Variants in PVT1 observed in about 807,000 individuals in gnomAD.
The protein encoded by PVT1 is CXCR4/PVT1 fusion.
At chr8:127,900,241 C>G (rs1031122799) in intron 3 of PVT1, among the ~76,000 whole-genome samples, 22 of 152,014 alleles carry the variant, frequency 1.4e-4, no homozygotes, top group African/African-American at 5.1e-4. Flanking sequence ...TGGGGTTTCA[C>G]TGTGTTAGCC....
At chr8:128,087,747 CT>C (rs71568675) in intron 5 of PVT1, among the ~76,000 whole-genome samples, 1,508 of 76,542 alleles carry the variant, frequency 0.02, 13 homozygotes, top group African/African-American at 0.062. Context: ...TGATGTGCTA[CT>C]TTTTTTTTTT....
chr8:127,917,685 G>A (rs1816003807), intron 3 of PVT1, among the ~76,000 whole-genome samples: 1 of 152,264 alleles, frequency 6.6e-6, no homozygotes, highest in Non-Finnish European at 1.5e-5. Flanking sequence ...CTGTATGTGT[G>A]GGAGGTGCAC....
intron 4 of PVT1, among the ~76,000 whole-genome samples, chr8:128,026,862 C>T (rs1384603072): frequency 2.0e-5 from 3 of 152,174 alleles, no homozygotes; most frequent in East Asian, 1.9e-4. Context: ...CTCTGGGGAA[C>T]GTGACCGGCC....
At chr8:127,986,064 A>G (rs1423679337) in intron 3 of PVT1, among the ~76,000 whole-genome samples, 1 of 152,186 alleles carries the variant, frequency 6.6e-6, no homozygotes, top group Non-Finnish European at 1.5e-5. Context: ...TCTTTCCAAC[A>G]GAGACCTGCC....
intron 4 of PVT1, among the ~76,000 whole-genome samples, chr8:128,029,296 G>T (rs1263666553): frequency 6.8e-6 from 1 of 146,690 alleles, no homozygotes; most frequent in African/African-American, 2.5e-5. Context: ...TTAATTTTTT[G>T]ACTTTTTTTT....
intron 4 of PVT1, among the ~76,000 whole-genome samples, chr8:128,040,454 C>T (rs1412713338): frequency 6.6e-6 from 1 of 152,228 alleles, no homozygotes; most frequent in African/African-American, 2.4e-5. Flanking sequence ...TAAAATCTCT[C>T]TCTTTCTGTC....
At chr8:127,873,483 G>T (rs193243329) in intron 2 of PVT1, among the ~76,000 whole-genome samples, 2 of 152,306 alleles carry the variant, frequency 1.3e-5, no homozygotes, top group Admixed American at 1.3e-4. Flanking sequence ...TATTGAGCTA[G>T]TAGGTGGTAT....
chr8:127,899,875 G>C (rs1815736884), intron 3 of PVT1, among the ~76,000 whole-genome samples: 1 of 152,134 alleles, frequency 6.6e-6, no homozygotes, highest in African/African-American at 2.4e-5. Context: ...GTTTCAGGGG[G>C]ATCTCTGTAT....
chr8:127,851,319 G>A (rs1815105071), intron 2 of PVT1, among the ~76,000 whole-genome samples: 1 of 152,134 alleles, frequency 6.6e-6, no homozygotes, highest in East Asian at 1.9e-4. Flanking sequence ...GGTGCACTGT[G>A]TGTGCATGGT....
At chr8:128,034,439 C>T (rs1813437304) in intron 4 of PVT1, among the ~76,000 whole-genome samples, 1 of 152,208 alleles carries the variant, frequency 6.6e-6, no homozygotes, top group Non-Finnish European at 1.5e-5. Flanking sequence ...CATTACACTT[C>T]CAGGGCTTCG....
chr8:128,067,949 T>TTG (rs890764646), intron 4 of PVT1, among the ~76,000 whole-genome samples: 15 of 93,824 alleles, frequency 1.6e-4, no homozygotes, highest in African/African-American at 3.4e-4. Flanking sequence ...CTAACATACT[T>TTG]TGTGTTTTTT....
chr8:128,023,498 A>G (rs1817461259), intron 4 of PVT1, among the ~76,000 whole-genome samples: 1 of 152,224 alleles, frequency 6.6e-6, no homozygotes, highest in Non-Finnish European at 1.5e-5. Flanking sequence ...AATAACTATT[A>G]CTATTACAAT....
chr8:127,846,774 C>T (rs931279329), intron 2 of PVT1, among the ~76,000 whole-genome samples: 3 of 151,588 alleles, frequency 2.0e-5, no homozygotes, highest in South Asian at 2.1e-4. Flanking sequence ...CGGATTCAAG[C>T]GATTCTCCTG....
chr8:127,864,692 C>A (rs906251058), intron 2 of PVT1, among the ~76,000 whole-genome samples: 1 of 152,082 alleles, frequency 6.6e-6, no homozygotes, highest in South Asian at 2.1e-4. Context: ...GGACTACAGG[C>A]GCCCACCACC....
chr8:127,797,672 G>A (rs1814412917), intron 2 of PVT1, among the ~76,000 whole-genome samples: 1 of 152,190 alleles, frequency 6.6e-6, no homozygotes, highest in Non-Finnish European at 1.5e-5. Flanking sequence ...AATAGTGCAT[G>A]TATAACATGG....
At chr8:127,860,135 G>A (rs1298625558) in intron 2 of PVT1, among the ~76,000 whole-genome samples, 1 of 152,160 alleles carries the variant, frequency 6.6e-6, no homozygotes, top group Admixed American at 6.5e-5. Context: ...AGAACCATGG[G>A]GCTGCTCTGT....
chr8:127,841,918 G>T (rs1563619108), intron 2 of PVT1, among the ~76,000 whole-genome samples: 1 of 151,972 alleles, frequency 6.6e-6, no homozygotes, highest in South Asian at 2.1e-4. Flanking sequence ...TAGAGACGGG[G>T]TTTCACCGTG....
intron 4 of PVT1, among the ~76,000 whole-genome samples, chr8:128,033,035 G>A (rs980501776): frequency 6.6e-6 from 1 of 152,208 alleles, no homozygotes; most frequent in Non-Finnish European, 1.5e-5. Flanking sequence ...GGTGCAGGTA[G>A]GGTGAAGACC....
chr8:127,846,838 ATT>A (rs561950021), intron 2 of PVT1, among the ~76,000 whole-genome samples: 1 of 143,684 alleles, frequency 7.0e-6, no homozygotes, highest in African/African-American at 2.5e-5. Context: ...CACCCAGCAA[ATT>A]TTTTTTTTTT....
Sources: allele counts gnomAD v4.1 joint callset (sites outside exome capture counted in the v4.1 genomes callset), GRCh38; gene constraint gnomAD v4.1.1; transcripts MANE v1.5; gene names NCBI Gene and HGNC (gene_info 2026-07-23, HGNC 2026-07-21).